Variants in IFT122 observed in about 807,000 individuals in gnomAD.
The protein encoded by IFT122 is intraflagellar transport 122, also known as intraflagellar transport protein 122 homolog.
In IFT122, 118 loss-of-function variants were observed where a neutral mutation model predicts 161.6. The observed-to-expected ratio is 0.73, with a 90% CI of 0.63 to 0.85. The LOEUF (loss-of-function observed/expected upper bound fraction) is 0.85, where lower values mean the gene tolerates loss of function less well. IFT122 is among the 40% of genes least tolerant of loss of function. IFT122 has a pLI of 0.00. For missense variants in IFT122, 1,381 were observed against 1,579.6 expected (o/e 0.87, Z 2.13); for synonymous variants, 550 against 602.4 (o/e 0.91, Z 1.27).
Position 129,467,182 on chromosome 3 carries a change from G to A in IFT122, c.740+116G>A, listed in dbSNP as rs2076896759. 39 of 930,324 alleles carry A rather than the reference G, an allele frequency of 4.2e-5. No homozygotes were observed. The South Asian group carries it at 5.3e-4, about 13-fold the overall frequency. 57.6% of individuals were successfully genotyped at this position (930,324 alleles called of 1,614,324 possible). A position where few individuals can be genotyped will look rare whatever the true frequency, so the allele number is the denominator to read the frequency against. ...GGGAGTGCAGGGACTAGGGGGAACT[G>A]TGGGTGAAAGCGCCTTCAAAAAAAG... is the stretch of plus-strand genomic sequence containing the variant. On this transcript the variant is annotated intron_variant, in intron 8 of 29. Coordinates refer to ENST00000348417, the MANE Select transcript of IFT122 (RefSeq NM_052989.3).
intron 15 of IFT122, among the ~76,000 whole-genome samples, chr3:129,485,513 C>T (rs1042899504): frequency 1.2e-4 from 19 of 152,340 alleles, no homozygotes; most frequent in African/African-American, 3.8e-4. Flanking sequence ...GGCAGCAGGA[C>T]GAGGGGCACG....
chr3:129,515,526 C>T lies in IFT122; in HGVS notation c.3192C>T (p.Asn1064=), dbSNP rs1345686214. ...VPLCYRCSTN[N]PLLNNLGNVC... is the part of the protein sequence containing the mutation. Reference sequence around the variant, plus strand: ...TGTGCTACCGCTGCTCCACCAACAACCCGCTGCTCAACAACCTGGGCAACG... The same window carrying T: ...TGTGCTACCGCTGCTCCACCAACAATCCGCTGCTCAACAACCTGGGCAACG... The change falls in exon 26 of 30, where the codon AAC becomes AAT. Residue 1064 remains asparagine, a synonymous_variant. Coordinates refer to ENST00000348417, the MANE Select transcript of IFT122 (RefSeq NM_052989.3). The T allele has an allele frequency of 5.7e-6, 9 of 1,579,358 alleles. No homozygotes were observed. The highest frequency in any genetic ancestry group is 5.0e-5 in the Admixed American group (3 of 59,872).
chr3:129,501,203 C>A (rs2081498741), intron 19 of IFT122, among the ~76,000 whole-genome samples: 1 of 151,920 alleles, frequency 6.6e-6, no homozygotes, highest in Non-Finnish European at 1.5e-5. Flanking sequence ...CAAGCATGTG[C>A]ACACACACGT....
At chr3:129,468,974 AT>A (rs1442451275) in intron 8 of IFT122, among the ~76,000 whole-genome samples, 1 of 152,268 alleles carries the variant, frequency 6.6e-6, no homozygotes, top group East Asian at 1.9e-4. Flanking sequence ...ATCTCCCCAC[AT>A]TTTCTAGTAT....
intron 27 of IFT122, 151 bp downstream of exon 27, chr3:129,517,745 C>T (rs1461597297): frequency 3.7e-6 from 4 of 1,092,008 alleles, no homozygotes; most frequent in African/African-American, 3.1e-5. Flanking sequence ...CCACATGGGA[C>T]AGGGACAGGG....
rs558263203 is a variant in IFT122 at position 129,502,890 on chromosome 3, G to A, written c.2547+8G>A. On this transcript the variant is annotated splice_region_variant and intron_variant, in intron 20 of 29. Transcript: ENST00000348417. ...ACCCAGCGCTGGGATGAGGTGAGGG[G>A]AAAGCAGGCCTCATGGGCTGGGGCC... 1.9e-6 allele frequency: 3 copies of A among 1,607,866 alleles called. No homozygotes were observed. The South Asian group carries it at 3.3e-5, about 18-fold the overall frequency.
intron 23 of IFT122, among the ~76,000 whole-genome samples, chr3:129,510,609 T>C (rs2082715336): frequency 6.6e-6 from 1 of 152,126 alleles, no homozygotes; most frequent in Admixed American, 6.5e-5. Flanking sequence ...CTCAGCTCCT[T>C]CCCTCAGACT....
At chr3:129,469,257 C>G in intron 8 of IFT122, 85 bp from the exon 9 acceptor site, 1 of 1,227,600 alleles carries the variant, frequency 8.1e-7, no homozygotes, top group South Asian at 1.2e-5. Flanking sequence ...CCAGGACTTC[C>G]TTGTTCCTGT....
chr3:129,494,685 A>AGTGTGT (rs10579071), intron 17 of IFT122, among the ~76,000 whole-genome samples: 10,866 of 150,564 alleles, frequency 0.072, 1,018 homozygotes, highest in East Asian at 0.41. Flanking sequence ...AGCTGTGCTA[A>AGTGTGT]GTGTGTGTGT....
At chr3:129,440,496 C>A in intron 1 of IFT122, 125 bp downstream of exon 1, 3 of 1,161,866 alleles carry the variant, frequency 2.6e-6, no homozygotes, top group Non-Finnish European at 2.5e-6. Context: ...TGAACCCCGG[C>A]CTGGGAGACT....
chr3:129,475,923 A>C (rs1418024661), intron 9 of IFT122, among the ~76,000 whole-genome samples: 1 of 152,262 alleles, frequency 6.6e-6, no homozygotes, highest in Non-Finnish European at 1.5e-5. Flanking sequence ...TTTTTTAAAA[A>C]GGCGGAGAAA....
In IFT122 at chr3:129,464,739, G is replaced by A. The variant is rs772158524; in HGVS notation, c.521G>A (p.Gly174Asp). 5 of 1,614,096 alleles carry A rather than the reference G, an allele frequency of 3.1e-6. No individual in the cohort carries two copies. In the East Asian group the frequency reaches 1.1e-4, roughly 36 times the overall value. ...EEKVKIERPG[G>D]SLSPIWSICW... ...AAAGTAAAGATCGAGCGGCCGGGGGGCTCCCTCTCGCCAATATGGTCCATC... is the reference window on the plus strand; with the variant it reads ...AAAGTAAAGATCGAGCGGCCGGGGGACTCCCTCTCGCCAATATGGTCCATC... The change falls in exon 7 of 30, where the codon GGC becomes GAC. Residue 174 changes from glycine to aspartate, a missense_variant. Around this residue, in one of 7 missense-constraint regions of IFT122, gnomAD observed 544 missense variants for 648.0 expected, o/e 0.84. Coordinates refer to ENST00000348417, the MANE Select transcript of IFT122 (RefSeq NM_052989.3).
At chr3:129,503,646 T>C (rs1194549906) in intron 20 of IFT122, among the ~76,000 whole-genome samples, 2 of 152,092 alleles carry the variant, frequency 1.3e-5, no homozygotes, top group Non-Finnish European at 2.9e-5. Flanking sequence ...CGTCTGACTG[T>C]TGTCTGCTCT....
chr3:129,490,431 C>T (rs748196480), intron 16 of IFT122, among the ~76,000 whole-genome samples: 53 of 152,186 alleles, frequency 3.5e-4, no homozygotes, highest in Admixed American at 1.8e-3. Flanking sequence ...GCAGGTTCCT[C>T]CCTATTCCCA....
chr3:129,488,277 C>A lies in IFT122; in HGVS notation c.1872C>A (p.Tyr624Ter). Residue 624 changes from tyrosine (Y) to a stop codon, truncating the protein, a stop_gained, in exon 16 of 30, where the codon TAC becomes TAA. Coordinates refer to ENST00000348417, the MANE Select transcript of IFT122 (RefSeq NM_052989.3). LOFTEE classifies it high-confidence loss of function. ...EVPQSAPMYQ[Y>*]LDRKLFKEAY... is the part of the protein sequence containing the mutation. The stretch of plus-strand genomic sequence containing the variant: ...TGCAGTCCGCTCCCATGTACCAGTA[C>A]CTGGATAGGAAACTGTTCAAGGAAG... 6.2e-7 allele frequency: 1 copy of A among 1,614,138 alleles called. No individual in the cohort carries two copies. The highest frequency in any genetic ancestry group is 1.3e-5 in the African/African-American group (1 of 75,034).
chr3:129,505,757 T>C (rs1417397901), intron 21 of IFT122, among the ~76,000 whole-genome samples: 1 of 152,198 alleles, frequency 6.6e-6, no homozygotes, highest in African/African-American at 2.4e-5. Flanking sequence ...TAGGAACGAT[T>C]GAGAGTTTTT....
intron 1 of IFT122, 151 bp downstream of exon 1, chr3:129,440,522 C>CG: frequency 1.1e-6 from 1 of 938,200 alleles, no homozygotes; most frequent in East Asian, 2.7e-5. Flanking sequence ...GTCGCCCTCC[C>CG]GCCCCTTGGC....
Position 129,461,292 on chromosome 3 carries a change from T to A in IFT122, c.337T>A (p.Ser113Thr). ...PITHQLASCS[S>T]SDFGLWSPEQ... ...TACTCATCAACTGGCATCTTGTTCC[T>A]CCAGTGACTTTGGTACGTTCTGATT... is the stretch of plus-strand genomic sequence containing the variant. Residue 113 changes from serine (S) to threonine (T), a missense_variant, in exon 5 of 30, where the codon TCC (serine) becomes ACC (threonine). By Grantham distance (58) the Ser-to-Thr change is moderately conservative. Around this residue, in one of 7 missense-constraint regions of IFT122, gnomAD observed 134 missense variants for 137.4 expected, o/e 0.98. Coordinates refer to ENST00000348417, the MANE Select transcript of IFT122 (RefSeq NM_052989.3). 3.1e-6 allele frequency: 5 copies of A among 1,612,328 alleles called. No individual in the cohort carries two copies. Among genetic ancestry groups the A allele is most frequent in the Non-Finnish European group, 4.2e-6 (5 of 1,178,312 alleles).
intron 16 of IFT122, 89 bp downstream of exon 16, chr3:129,488,486 A>G (rs1192321698): frequency 5.1e-6 from 8 of 1,557,042 alleles, no homozygotes; most frequent in Middle Eastern, 1.7e-4. Context: ...CGGAGAGGCC[A>G]TAGACTGCAG....
Sources: gnomAD v4.1 joint callset for allele counts (sites outside exome capture counted in the v4.1 genomes callset) on GRCh38, gnomAD v4.1.1 for gene constraint, gnomAD v4.1.1 regional missense constraint, MANE v1.5 for transcripts, NCBI Gene and HGNC (gene_info 2026-07-23, HGNC 2026-07-21) for gene names.